The following EEFSEC variants were observed in gnomAD, a reference collection of about 807,000 sequenced individuals.
The protein encoded by EEFSEC is selenocysteine-specific elongation factor.
Under a neutral mutation model 42.1 loss-of-function variants are expected in EEFSEC, and 43 were observed. The observed-to-expected ratio is 1.02, with a 90% CI of 0.80 to 1.32. The LOEUF is 1.32. EEFSEC is among the 40% of genes most tolerant of loss of function. EEFSEC has a pLI of 0.00. For missense variants in EEFSEC, 745 were observed against 803.6 expected (o/e 0.93, Z 0.88); for synonymous variants, 354 against 339.1 (o/e 1.04, Z -0.48).
At chr3:128,320,189 G>A (rs1695945439) in intron 4 of EEFSEC, among the ~76,000 whole-genome samples, 1 of 152,240 alleles carries the variant, frequency 6.6e-6, no homozygotes, top group Non-Finnish European at 1.5e-5. Flanking sequence ...CTCCAGGAGA[G>A]CTTGTTGCCC....
intron 4 of EEFSEC, among the ~76,000 whole-genome samples, chr3:128,336,244 C>G (rs981142686): frequency 6.6e-6 from 1 of 152,158 alleles, no homozygotes. Context: ...ACCAGCTGTT[C>G]TTTACACACC....
intron 1 of EEFSEC, among the ~76,000 whole-genome samples, chr3:128,164,745 G>C (rs764512797): frequency 6.6e-6 from 1 of 152,188 alleles, no homozygotes; most frequent in East Asian, 1.9e-4. Context: ...ATCAGGCCAA[G>C]CTTCCAGAGG....
At chr3:128,381,296 G>A (rs776853142) in intron 6 of EEFSEC, among the ~76,000 whole-genome samples, 21 of 152,348 alleles carry the variant, frequency 1.4e-4, no homozygotes, top group Middle Eastern at 3.4e-3. Flanking sequence ...GGAAGCAAGT[G>A]GAGATGAATG....
chr3:128,248,058 G>A (rs575392922), intron 2 of EEFSEC, among the ~76,000 whole-genome samples: 1 of 152,250 alleles, frequency 6.6e-6, no homozygotes, highest in Non-Finnish European at 1.5e-5. Context: ...TTGCTCAGGC[G>A]GCCACAGGAA....
chr3:128,197,295 G>A (rs934326208), intron 1 of EEFSEC, among the ~76,000 whole-genome samples: 24 of 151,846 alleles, frequency 1.6e-4, no homozygotes, highest in African/African-American at 4.1e-4. Flanking sequence ...TTTTTGAGAC[G>A]GAGTCTCGCT....
intron 1 of EEFSEC, among the ~76,000 whole-genome samples, chr3:128,159,062 A>G (rs1436320407): frequency 2.0e-5 from 3 of 152,260 alleles, no homozygotes; most frequent in Non-Finnish European, 1.5e-5. Flanking sequence ...TTCCTTGAAT[A>G]CATCAGAGAC....
At chr3:128,167,312 C>T (rs1157548352) in intron 1 of EEFSEC, among the ~76,000 whole-genome samples, 1 of 152,166 alleles carries the variant, frequency 6.6e-6, no homozygotes, top group Non-Finnish European at 1.5e-5. Context: ...GGCCTGTTAG[C>T]ATTCAACTGT....
Position 128,262,202 on chromosome 3 carries a change from A to C in EEFSEC, c.599A>C (p.Gln200Pro). 1 of 1,614,148 alleles carries C rather than the reference A, an allele frequency of 6.2e-7. No individual in the cohort carries two copies. The highest frequency in any genetic ancestry group is 1.7e-5 in the Admixed American group (1 of 60,028). ...GPEAPETEAP[Q>P]GIPELIELLT... ...GAGGCCCCCGAAACTGAAGCTCCACAGGGCATTCCAGAGCTCATTGAGGTA... is the reference window on the plus strand; with the variant it reads ...GAGGCCCCCGAAACTGAAGCTCCACCGGGCATTCCAGAGCTCATTGAGGTA... The change falls in exon 3 of 7, where the codon CAG becomes CCG. Residue 200 changes from glutamine to proline, a missense_variant. Coordinates refer to ENST00000254730, the MANE Select transcript of EEFSEC (RefSeq NM_021937.5).
chr3:128,307,673 T>C (rs944954893), intron 4 of EEFSEC, among the ~76,000 whole-genome samples: 2 of 152,232 alleles, frequency 1.3e-5, no homozygotes, highest in African/African-American at 4.8e-5. Context: ...GTATTTAGAC[T>C]GACTCCTGCA....
At chr3:128,180,154 CT>C (rs2065390503) in intron 1 of EEFSEC, among the ~76,000 whole-genome samples, 1 of 151,942 alleles carries the variant, frequency 6.6e-6, no homozygotes, top group Non-Finnish European at 1.5e-5. Context: ...AATTTTCTTT[CT>C]TGAAAAAATC....
intron 1 of EEFSEC, among the ~76,000 whole-genome samples, chr3:128,164,254 G>C (rs2065223102): frequency 6.6e-6 from 1 of 152,232 alleles, no homozygotes; most frequent in African/African-American, 2.4e-5. Flanking sequence ...ATACACAGTC[G>C]TGCCTGTGTT....
intron 6 of EEFSEC, among the ~76,000 whole-genome samples, chr3:128,369,487 C>A (rs538743388): frequency 6.6e-6 from 1 of 152,316 alleles, no homozygotes; most frequent in South Asian, 2.1e-4. Context: ...AGCCAGCTGC[C>A]TGGAAAGTAG....
At chr3:128,283,856 G>A (rs1576606288) in intron 4 of EEFSEC, among the ~76,000 whole-genome samples, 1 of 152,328 alleles carries the variant, frequency 6.6e-6, no homozygotes, top group East Asian at 1.9e-4. Flanking sequence ...ACTGGGGGAA[G>A]CTAAATCAGC....
At chr3:128,292,002 A>T (rs2066649152) in intron 4 of EEFSEC, among the ~76,000 whole-genome samples, 1 of 152,102 alleles carries the variant, frequency 6.6e-6, no homozygotes, top group South Asian at 2.1e-4. Context: ...TGGGTGTTGA[A>T]TTTTTTTGAA....
chr3:128,175,017 C>A (rs1456599455), intron 1 of EEFSEC, among the ~76,000 whole-genome samples: 1 of 152,150 alleles, frequency 6.6e-6, no homozygotes, highest in East Asian at 1.9e-4. Context: ...CAATAGGATG[C>A]AGGATAAAGC....
At chr3:128,247,256 G>T (rs114497179) in intron 2 of EEFSEC, among the ~76,000 whole-genome samples, 1,699 of 152,286 alleles carry the variant, frequency 0.011, 22 homozygotes, top group African/African-American at 0.039. Context: ...GGAGCATAAA[G>T]AAACTAGAAT....
In EEFSEC at chr3:128,367,802, A is replaced by G. The variant is rs187407539; in HGVS notation, c.1600+9429A>G. The G allele has an allele frequency of 1.1e-4, 104 of 985,380 alleles. 1 individual carries two copies. Among genetic ancestry groups the G allele is most frequent in the Admixed American group, 9.8e-4 (16 of 16,294 alleles). The allele number at this position is 985,380 out of a possible 1,614,324, so 61.0% of individuals were successfully genotyped here. ...GCCCTCCAAAGAAACCAGCTCTACA[A>G]TAAGACTCCCTTTTCCTGTCACCCA... On this transcript the variant is annotated intron_variant, in intron 6 of 6. Coordinates refer to ENST00000254730, the MANE Select transcript of EEFSEC (RefSeq NM_021937.5).
In EEFSEC at chr3:128,364,941, G is replaced by A. The variant is rs568094030; in HGVS notation, c.1600+6568G>A. Among the ~76,000 whole-genome samples, 6 of 152,340 alleles carry A rather than the reference G, an allele frequency of 3.9e-5. No individual in the cohort carries two copies. In the South Asian group the frequency reaches 1.0e-3, roughly 26 times the overall value. On this transcript the variant is annotated intron_variant, in intron 6 of 6. Coordinates refer to ENST00000254730, the MANE Select transcript of EEFSEC (RefSeq NM_021937.5). ...GTTCTCTGTCTGCCCCAGGGAGATC[G>A]AGCAGAGGGGCCAGCAGGAGTAAGT...
chr3:128,281,028 C>T (rs1396073746), intron 4 of EEFSEC, among the ~76,000 whole-genome samples: 3 of 152,184 alleles, frequency 2.0e-5, no homozygotes, highest in Admixed American at 6.5e-5. Context: ...TCTTTCATTA[C>T]CCCCTCCGCT....
Sources: gnomAD v4.1 joint callset for allele counts (sites outside exome capture counted in the v4.1 genomes callset) on GRCh38, gnomAD v4.1.1 for gene constraint, MANE v1.5 for transcripts, NCBI Gene and HGNC (gene_info 2026-07-23, HGNC 2026-07-21) for gene names.